LYPLAL1: variants seen among roughly 807,000 people sequenced by gnomAD.
The protein encoded by LYPLAL1 is lysophospholipase-like protein 1.
Under a neutral mutation model 19.7 loss-of-function variants are expected in LYPLAL1, and 23 were observed. That is an observed-to-expected ratio of 1.17 (90% confidence interval 0.84 to 1.65). LYPLAL1 has a LOEUF of 1.65. Among genes scored for constraint, LYPLAL1 ranks in the 40% most tolerant of loss-of-function variants. The probability of loss-of-function intolerance (pLI) is 0.00; values close to 1 mark genes in which losing one functional copy is unlikely to be tolerated. For missense variants in LYPLAL1, 355 were observed against 279.4 expected (o/e 1.27, Z -1.93); for synonymous variants, 119 against 96.3 (o/e 1.24, Z -1.38).
At chr1:219,211,028 G>A (rs2125119141) in intron 4 of LYPLAL1, among the ~76,000 whole-genome samples, 1 of 152,184 alleles carries the variant, frequency 6.6e-6, no homozygotes, top group East Asian at 1.9e-4. Flanking sequence ...TTATTATGCA[G>A]CAATATCCTC....
At chr1:219,358,823 C>T in the LYPLAL1 span, among the ~76,000 whole-genome samples, 79 of 150,794 alleles carry the variant, frequency 5.2e-4, no homozygotes, top group Non-Finnish European at 9.8e-4. Context: ...AATTATAGTG[C>T]GTGTGTGTGT....
downstream of LYPLAL1, among the ~76,000 whole-genome samples, chr1:219,214,342 T>C (rs951111292): frequency 2.0e-5 from 3 of 152,160 alleles, no homozygotes; most frequent in African/African-American, 7.2e-5. Context: ...TTGCTTGTTT[T>C]GTACTATCTT....
intron 2 of LYPLAL1, among the ~76,000 whole-genome samples, chr1:219,180,068 C>T (rs1207189339): frequency 6.6e-6 from 1 of 152,054 alleles, no homozygotes; most frequent in Non-Finnish European, 1.5e-5. Context: ...GCAGTCTTGG[C>T]CCACAGCAGC....
the LYPLAL1 span, among the ~76,000 whole-genome samples, chr1:219,388,122 T>C: frequency 1.5e-3 from 222 of 152,344 alleles, 1 homozygote; most frequent in African/African-American, 5.2e-3. Flanking sequence ...ATATCATGTC[T>C]ACCTTGTCCA....
At chr1:219,244,414 G>A in the LYPLAL1 span, among the ~76,000 whole-genome samples, 1 of 152,110 alleles carries the variant, frequency 6.6e-6, no homozygotes, top group Non-Finnish European at 1.5e-5. Flanking sequence ...TTTAAGACCT[G>A]GAAAATTCCA....
intron 2 of LYPLAL1, among the ~76,000 whole-genome samples, chr1:219,187,925 A>G (rs1269919657): frequency 1.3e-5 from 2 of 151,832 alleles, no homozygotes; most frequent in Non-Finnish European, 2.9e-5. Flanking sequence ...AGGTACTAGT[A>G]TGGAAAAGTT....
chr1:219,301,056 TA>T, the LYPLAL1 span, among the ~76,000 whole-genome samples: 180 of 144,592 alleles, frequency 1.2e-3, no homozygotes, highest in Middle Eastern at 3.5e-3. Context: ...ACTCCACCTC[TA>T]AAAAAAAAAA....
the LYPLAL1 span, among the ~76,000 whole-genome samples, chr1:219,425,096 C>G: frequency 6.6e-6 from 1 of 152,090 alleles, no homozygotes; most frequent in Non-Finnish European, 1.5e-5. Flanking sequence ...AACAAAGGCA[C>G]TGATAGACTC....
At chr1:219,420,283 T>G in the LYPLAL1 span, among the ~76,000 whole-genome samples, 2 of 152,216 alleles carry the variant, frequency 1.3e-5, no homozygotes, top group Admixed American at 6.5e-5. Context: ...TATTCAAGAT[T>G]TAATTTCACC....
the LYPLAL1 span, among the ~76,000 whole-genome samples, chr1:219,404,124 G>A: frequency 6.6e-6 from 1 of 151,954 alleles, no homozygotes; most frequent in Admixed American, 6.6e-5. Flanking sequence ...AGAGAGAAAA[G>A]AGAAATACCT....
At chr1:219,392,305 A>G in the LYPLAL1 span, among the ~76,000 whole-genome samples, 1 of 152,230 alleles carries the variant, frequency 6.6e-6, no homozygotes, top group Non-Finnish European at 1.5e-5. Context: ...CTGTAATTTT[A>G]AAGTAAATGA....
chr1:219,259,556 C>T, the LYPLAL1 span, among the ~76,000 whole-genome samples: 1 of 151,386 alleles, frequency 6.6e-6, no homozygotes, highest in Non-Finnish European at 1.5e-5. Context: ...AATCAAACAT[C>T]GTATGTTCTC....
the LYPLAL1 span, among the ~76,000 whole-genome samples, chr1:219,361,151 A>G: frequency 2.0e-5 from 3 of 152,218 alleles, no homozygotes; most frequent in Non-Finnish European, 4.4e-5. Flanking sequence ...GTGGGAGACC[A>G]GCAAAAAGTC....
the LYPLAL1 span, among the ~76,000 whole-genome samples, chr1:219,412,891 C>A: frequency 6.6e-6 from 1 of 152,160 alleles, no homozygotes; most frequent in Non-Finnish European, 1.5e-5. Context: ...CTTCATGAGA[C>A]CTCTGGTATG....
At chr1:219,241,136 A>ATATATATATATATATCC in the LYPLAL1 span, among the ~76,000 whole-genome samples, 1 of 47,920 alleles carries the variant, frequency 2.1e-5, no homozygotes, top group Non-Finnish European at 4.6e-5. Flanking sequence ...CTCTCTCTCT[A>ATATATATATATATATCC]TATATATATA....
At chr1:219,276,885 C>T in the LYPLAL1 span, among the ~76,000 whole-genome samples, 3 of 152,272 alleles carry the variant, frequency 2.0e-5, no homozygotes, top group South Asian at 6.2e-4. Context: ...TGTTTCACCC[C>T]AGTTATTGTC....
chr1:219,255,832 T>C, the LYPLAL1 span, among the ~76,000 whole-genome samples: 2 of 151,944 alleles, frequency 1.3e-5, no homozygotes, highest in African/African-American at 2.4e-5. Flanking sequence ...TTTTTCTATA[T>C]CTATAAAGAT....
chr1:219,302,710 C>A, the LYPLAL1 span, among the ~76,000 whole-genome samples: 1 of 152,204 alleles, frequency 6.6e-6, no homozygotes, highest in Non-Finnish European at 1.5e-5. Context: ...GAGTTAGTTT[C>A]TTTTCTCTCC....
At chr1:219,383,352 T>G in the LYPLAL1 span, among the ~76,000 whole-genome samples, 204 of 152,370 alleles carry the variant, frequency 1.3e-3, no homozygotes, top group African/African-American at 3.8e-3. Flanking sequence ...TATAAGAAAT[T>G]GTATTGGACT....
Sources: allele counts gnomAD v4.1 joint callset (sites outside exome capture counted in the v4.1 genomes callset), GRCh38; gene constraint gnomAD v4.1.1; transcripts MANE v1.5; gene names NCBI Gene and HGNC (gene_info 2026-07-23, HGNC 2026-07-21).